The following DNAH7 variants were observed in gnomAD, a reference collection of about 807,000 sequenced individuals.
DNAH7 encodes the protein axonemal beta dynein heavy chain 7.
A neutral mutation model predicts 444.6 loss-of-function variants in DNAH7; 397 were observed. That is an observed-to-expected ratio of 0.89 (90% confidence interval 0.82 to 0.97). The LOEUF (loss-of-function observed/expected upper bound fraction) is 0.97, where lower values mean the gene tolerates loss of function less well. Among genes scored for constraint, DNAH7 ranks in the 50% least tolerant of loss-of-function variants. DNAH7 has a pLI of 0.00. For synonymous variants in DNAH7, 1,636 were observed against 1,624.4 expected, an observed-to-expected ratio of 1.01 and a Z score of -0.17; for missense variants, 4,902 against 4,800.8, an observed-to-expected ratio of 1.02 and a Z score of -0.62.
intron 19 of DNAH7, among the ~76,000 whole-genome samples, chr2:195,938,754 T>A (rs1258912012): frequency 6.6e-6 from 1 of 152,166 alleles, no homozygotes; most frequent in African/African-American, 2.4e-5. Context: ...TCAAACCTAT[T>A]TAACCAGATT....
intron 31 of DNAH7, among the ~76,000 whole-genome samples, chr2:195,890,328 T>C (rs148185153): frequency 1.7e-4 from 26 of 152,288 alleles, no homozygotes; most frequent in African/African-American, 5.3e-4. Context: ...TGGGAAACAC[T>C]ACCGTGCAAT....
intron 63 of DNAH7, among the ~76,000 whole-genome samples, chr2:195,745,902 A>G (rs1363513230): frequency 6.6e-6 from 1 of 152,240 alleles, no homozygotes; most frequent in African/African-American, 2.4e-5. Flanking sequence ...ATCATGCCAA[A>G]TTGTAAAGAC....
chr2:195,738,568 T>C (rs1271774865), intron 64 of DNAH7, among the ~76,000 whole-genome samples: 15 of 152,198 alleles, frequency 9.9e-5, no homozygotes, highest in Admixed American at 9.8e-4. Context: ...TTTAGGAGAC[T>C]ATTATAAAGG....
At chr2:195,944,414 C>CA (rs943863209) in intron 19 of DNAH7, among the ~76,000 whole-genome samples, 1 of 152,116 alleles carries the variant, frequency 6.6e-6, no homozygotes, top group Non-Finnish European at 1.5e-5. Flanking sequence ...CTGGTAAGTG[C>CA]ACCCATATCA....
intron 5 of DNAH7, among the ~76,000 whole-genome samples, chr2:196,042,044 T>TC (rs1215049907): frequency 1.3e-5 from 2 of 151,722 alleles, no homozygotes; most frequent in Non-Finnish European, 2.9e-5. Context: ...ATGGCTATTA[T>TC]CAAAAAGACA....
intron 9 of DNAH7, among the ~76,000 whole-genome samples, chr2:196,015,661 T>C (rs1361898678): frequency 6.6e-6 from 1 of 152,210 alleles, no homozygotes; most frequent in East Asian, 1.9e-4. Context: ...GAGAGCATCT[T>C]ATCAGGTTTC....
At chr2:195,907,561 T>A (rs987475828) in intron 25 of DNAH7, among the ~76,000 whole-genome samples, 6 of 152,172 alleles carry the variant, frequency 3.9e-5, no homozygotes, top group Admixed American at 1.3e-4. Context: ...TTTAAAAACA[T>A]CAAATGATTC....
intron 24 of DNAH7, among the ~76,000 whole-genome samples, chr2:195,915,448 A>G (rs962483047): frequency 1.3e-5 from 2 of 152,216 alleles, no homozygotes; most frequent in Admixed American, 6.5e-5. Flanking sequence ...CAATAGACAG[A>G]TTATATTGCA....
chr2:196,059,095 A>G (rs116771145), intron 1 of DNAH7, among the ~76,000 whole-genome samples: 296 of 152,298 alleles, frequency 1.9e-3, no homozygotes, highest in African/African-American at 6.7e-3. Context: ...TATCTTCTGG[A>G]AGTCTGTCTG....
intron 64 of DNAH7, among the ~76,000 whole-genome samples, chr2:195,738,941 A>G (rs962789500): frequency 6.6e-6 from 1 of 152,154 alleles, no homozygotes; most frequent in South Asian, 2.1e-4. Context: ...CTCCCACTTA[A>G]CTGTGGAATC....
At chr2:195,783,422 T>A (rs1423604425) in intron 58 of DNAH7, among the ~76,000 whole-genome samples, 2 of 152,138 alleles carry the variant, frequency 1.3e-5, no homozygotes, top group African/African-American at 4.8e-5. Context: ...TCTGTAAGGA[T>A]CTTTCCCAGC....
rs747618775 is a variant in DNAH7 at position 195,738,094 on chromosome 2, G to A, written c.11902C>T (p.Pro3968Ser). The A allele has an allele frequency of 1.9e-6, 3 of 1,613,868 alleles. No individual in the cohort carries two copies. The highest frequency in any genetic ancestry group is 1.7e-5 in the Admixed American group (1 of 60,002). ...WLKPCKRADI[P>S]KRPSYVAPLY... ...GGAGCAACATAACTTGGCCGTTTTG[G>A]TATATCTGCCCTCTTACAGGGCTTT... Residue 3968 changes from proline (P) to serine (S), a missense_variant, in exon 65 of 65, where the codon CCA becomes TCA. Pro to Ser is a moderately conservative substitution (Grantham distance 74). Coordinates refer to ENST00000312428, the MANE Select transcript of DNAH7 (RefSeq NM_018897.3).
At chr2:195,992,481 G>T (rs1693409614) in intron 12 of DNAH7, among the ~76,000 whole-genome samples, 1 of 152,212 alleles carries the variant, frequency 6.6e-6, no homozygotes, top group South Asian at 2.1e-4. Context: ...AAATCTTCCT[G>T]CAGTAAACTG....
chr2:195,994,433 G>T, intron 12 of DNAH7: 1 of 638,202 alleles, frequency 1.6e-6, no homozygotes, highest in Non-Finnish European at 2.8e-6. Context: ...GTAAAAAGTT[G>T]GCTGGGGAGG....
chr2:196,036,080 G>A (rs571279650), intron 5 of DNAH7, among the ~76,000 whole-genome samples: 188 of 148,782 alleles, frequency 1.3e-3, no homozygotes, highest in Non-Finnish European at 2.0e-3. Flanking sequence ...TGCCCAGGCT[G>A]GAGTGCAATG....
chr2:196,058,906 TCA>T (rs1416750075), intron 1 of DNAH7, among the ~76,000 whole-genome samples: 1 of 152,136 alleles, frequency 6.6e-6, no homozygotes, highest in Non-Finnish European at 1.5e-5. Flanking sequence ...ATTGGCAGAC[TCA>T]CACTTCGAGA....
At chr2:195,824,066 T>C (rs1390839101) in intron 49 of DNAH7, among the ~76,000 whole-genome samples, 189 bp downstream of exon 49, 3 of 152,184 alleles carry the variant, frequency 2.0e-5, no homozygotes, top group Non-Finnish European at 4.4e-5. Context: ...CATGCTGAAG[T>C]TTCCTTTATT....
chr2:195,738,221 T>C lies in DNAH7; in HGVS notation c.11869-94A>G. ...CTATAGTATTCTCAGAGTAAGGTTA[T>C]GCATGCAGATTTCTGTGGCCCAAAT... On this transcript the variant is annotated intron_variant, in intron 64 of 64. Transcript: ENST00000312428. The C allele has an allele frequency of 3.6e-6, 4 of 1,116,956 alleles. No individual in the cohort carries two copies. In the South Asian group the frequency reaches 4.4e-5, roughly 12 times the overall value. 69.2% of individuals were successfully genotyped at this position (1,116,956 alleles called of 1,614,324 possible). A position where few individuals can be genotyped will look rare whatever the true frequency, so the allele number is the denominator to read the frequency against.
intron 19 of DNAH7, among the ~76,000 whole-genome samples, chr2:195,939,167 T>TC (rs1369638117): frequency 1.3e-5 from 2 of 152,002 alleles, no homozygotes; most frequent in African/African-American, 4.8e-5. Flanking sequence ...ACCCTTTTAC[T>TC]CCCCCTTTCC....
Sources: gnomAD v4.1 joint callset for allele counts (sites outside exome capture counted in the v4.1 genomes callset) on GRCh38, gnomAD v4.1.1 for gene constraint, MANE v1.5 for transcripts, NCBI Gene and HGNC (gene_info 2026-07-23, HGNC 2026-07-21) for gene names.